Variants in STMP1 observed in about 807,000 individuals in gnomAD.
STMP1 encodes short transmembrane mitochondrial protein 1, also known as mitolamban.
STMP1 carries 7 observed loss-of-function variants against 7.0 expected under a neutral mutation model. The observed-to-expected ratio is 1.01, with a 90% CI of 0.57 to 1.89. The LOEUF is 1.89. Ranked by LOEUF, STMP1 falls within the 40% of genes most tolerant of loss-of-function variation. STMP1 has a pLI of 0.00. For synonymous variants in STMP1, 19 were observed against 18.4 expected (o/e 1.03, Z -0.08); for missense variants, 45 against 53.0 (o/e 0.85, Z 0.47).
Position 135,674,237 on chromosome 7 carries a change from C to G in STMP1, c.*72C>G, listed in dbSNP as rs900864572. ...TGAGGGCCTCGTTTACTATCTGAACCAAAAGCTTTTGTTTTCGTCTCCAGC... is the reference window on the plus strand; with the variant it reads ...TGAGGGCCTCGTTTACTATCTGAACGAAAAGCTTTTGTTTTCGTCTCCAGC... On this transcript the variant is annotated 3_prime_UTR_variant, in exon 3 of 3. Transcript: ENST00000507606. The G allele has an allele frequency of 5.1e-6, 6 of 1,185,226 alleles. 1 individual carries two copies. In the South Asian group the frequency reaches 8.8e-5, roughly 17 times the overall value. The allele number at this position is 1,185,226 out of a possible 1,614,324, so 73.4% of individuals were successfully genotyped here. A position where few individuals can be genotyped will look rare whatever the true frequency, so the allele number is the denominator to read the frequency against.
intron 1 of STMP1, among the ~76,000 whole-genome samples, chr7:135,667,760 C>T (rs1217509715): frequency 6.6e-6 from 1 of 151,214 alleles, no homozygotes; most frequent in African/African-American, 2.4e-5. Flanking sequence ...TGCCCAGCCC[C>T]ACTCATGTGA....
At chr7:135,669,744 A>C (rs2129493295) in intron 1 of STMP1, among the ~76,000 whole-genome samples, 1 of 152,376 alleles carries the variant, frequency 6.6e-6, no homozygotes, top group East Asian at 1.9e-4. Flanking sequence ...GAGGAGGTCT[A>C]AGGCAGGATC....
intron 2 of STMP1, chr7:135,673,363 A>G (rs1189995074): frequency 6.6e-6 from 1 of 151,474 alleles, no homozygotes; most frequent in African/African-American, 2.5e-5. Context: ...GGGATTCTGG[A>G]CAGGAGTTTG....
chr7:135,671,475 G>T (rs1382443515), intron 1 of STMP1, among the ~76,000 whole-genome samples: 1 of 152,132 alleles, frequency 6.6e-6, no homozygotes, highest in Admixed American at 6.5e-5. Context: ...ATTGATGCTA[G>T]TTTGAATTTA....
intron 1 of STMP1, among the ~76,000 whole-genome samples, chr7:135,669,335 T>C (rs1795334722): frequency 6.6e-6 from 1 of 152,262 alleles, no homozygotes; most frequent in Non-Finnish European, 1.5e-5. Flanking sequence ...AGAATCACTT[T>C]TGTGTCATTC....
chr7:135,676,034 G>GTGC lies in STMP1; in HGVS notation c.*1873_*1875dup, dbSNP rs1352901383. Reference sequence around the variant, plus strand: ...CTGCCTCCCGGTCCAAGTGATTCTCGTGCTGCAGCTTCTCAAGTAGCTGGC... The same window carrying GTGC: ...CTGCCTCCCGGTCCAAGTGATTCTCGTGCTGCTGCAGCTTCTCAAGTAGCTGGC... On this transcript the variant is annotated 3_prime_UTR_variant, in exon 3 of 3. Coordinates refer to ENST00000507606, the MANE Select transcript of STMP1 (RefSeq NM_001130929.2). 10 of 148,250 alleles carry GTGC rather than the reference G, an allele frequency of 6.7e-5. No homozygotes were observed. Among genetic ancestry groups the GTGC allele is most frequent in the Admixed American group, 5.6e-4 (8 of 14,394 alleles). 9.2% of individuals were successfully genotyped at this position (148,250 alleles called of 1,614,324 possible).
chr7:135,673,201 A>G (rs1795374173), intron 2 of STMP1: 1 of 213,342 alleles, frequency 4.7e-6, no homozygotes, highest in African/African-American at 2.3e-5. Context: ...TTGGAGATGC[A>G]TCTGGGTAGG....
At chr7:135,673,175 G>A in intron 2 of STMP1, 2 of 231,488 alleles carry the variant, frequency 8.6e-6, no homozygotes, top group Non-Finnish European at 1.7e-5. Flanking sequence ...TCCAGTAGTA[G>A]AGATGACTTA....
chr7:135,674,426 T>G lies in STMP1; in HGVS notation c.*261T>G, dbSNP rs967471927. 5.1e-5 allele frequency: 19 copies of G among 375,490 alleles called. No homozygotes were observed. The highest frequency in any genetic ancestry group is 3.7e-4 in the African/African-American group (18 of 48,176). 23.3% of individuals were successfully genotyped at this position (375,490 alleles called of 1,614,324 possible). A position where few individuals can be genotyped will look rare whatever the true frequency, so the allele number is the denominator to read the frequency against. Reference sequence around the variant, plus strand: ...CTAAGACTGGAATTATGGTGCTAGATTAGTAAACATGACTTTTAATGAGTA... The same window carrying G: ...CTAAGACTGGAATTATGGTGCTAGAGTAGTAAACATGACTTTTAATGAGTA... On this transcript the variant is annotated 3_prime_UTR_variant, in exon 3 of 3. Coordinates refer to ENST00000507606, the MANE Select transcript of STMP1 (RefSeq NM_001130929.2).
intron 2 of STMP1, 53 bp downstream of exon 2, chr7:135,672,859 ACTT>A (rs1387988184): frequency 6.9e-7 from 1 of 1,456,982 alleles, no homozygotes; most frequent in African/African-American, 1.4e-5. Context: ...TTTTAGAGTG[ACTT>A]TTCTTTGTTT....
rs1795394073 is a variant in STMP1, at chr7:135,674,818, G to A, written c.*653G>A. 1 of 152,128 alleles carries A rather than the reference G, an allele frequency of 6.6e-6. No homozygotes were observed. Among genetic ancestry groups the A allele is most frequent in the African/African-American group, 2.4e-5 (1 of 41,430 alleles). 9.4% of individuals were successfully genotyped at this position (152,128 alleles called of 1,614,324 possible). The stretch of plus-strand genomic sequence containing the variant: ...CCCAGTAGAGTTCATAGTCTATTTA[G>A]TGTGCATGTTTTTCCTTAATGATGT... On this transcript the variant is annotated 3_prime_UTR_variant, in exon 3 of 3. Coordinates refer to ENST00000507606, the MANE Select transcript of STMP1 (RefSeq NM_001130929.2).
intron 1 of STMP1, among the ~76,000 whole-genome samples, chr7:135,672,274 G>A (rs934439788): frequency 6.6e-6 from 1 of 152,132 alleles, no homozygotes; most frequent in Non-Finnish European, 1.5e-5. Context: ...CTCTGTGCCC[G>A]GCCTTGACTG....
rs746339416 is a variant in STMP1 at position 135,674,204 on chromosome 7, A to G, written c.*39A>G. On this transcript the variant is annotated 3_prime_UTR_variant, in exon 3 of 3. Coordinates refer to ENST00000507606, the MANE Select transcript of STMP1 (RefSeq NM_001130929.2). The stretch of plus-strand genomic sequence containing the variant: ...ACTGCCTTCAGGATATACTGATTCT[A>G]CTGCTCTTGAGGGCCTCGTTTACTA... 1.3e-5 allele frequency: 19 copies of G among 1,444,654 alleles called. No homozygotes were observed. Among genetic ancestry groups the G allele is most frequent in the South Asian group, 5.2e-5 (4 of 76,942 alleles). The allele number at this position is 1,444,654 out of a possible 1,614,324, so 89.5% of individuals were successfully genotyped here. A position where few individuals can be genotyped will look rare whatever the true frequency, so the allele number is the denominator to read the frequency against.
chr7:135,673,737 G>A (rs1027585290), intron 2 of STMP1, among the ~76,000 whole-genome samples: 6 of 152,162 alleles, frequency 3.9e-5, no homozygotes, highest in Admixed American at 1.3e-4. Context: ...TCAGGAGTTC[G>A]AGACCAGCCT....
intron 1 of STMP1, 65 bp from the exon 2 acceptor site, chr7:135,672,688 A>T: frequency 8.6e-7 from 1 of 1,166,438 alleles, no homozygotes; most frequent in Non-Finnish European, 1.3e-6. Context: ...TATGTATTTT[A>T]GTTTGGAATC....
In STMP1 at chr7:135,667,874, A is replaced by G. The variant is rs529770113; in HGVS notation, c.16-4879A>G. 7.2e-5 allele frequency among the ~76,000 whole-genome samples: 11 copies of G among 152,242 alleles called. No individual in the cohort carries two copies. In the South Asian group the frequency reaches 2.1e-3, roughly 29 times the overall value. On this transcript the variant is annotated intron_variant, in intron 1 of 2. Coordinates refer to ENST00000507606, the MANE Select transcript of STMP1 (RefSeq NM_001130929.2). The stretch of plus-strand genomic sequence containing the variant: ...ACTATTTGCCCAGCCCCACTCATGA[A>G]GGTTTACGCCTATGATTTCTTTGAA...
chr7:135,666,283 T>A (rs1436894127), intron 1 of STMP1, among the ~76,000 whole-genome samples: 2 of 151,794 alleles, frequency 1.3e-5, no homozygotes, highest in African/African-American at 4.8e-5. Context: ...AAGGCCCCAC[T>A]TTGATCTTTT....
intron 1 of STMP1, among the ~76,000 whole-genome samples, chr7:135,670,323 A>G (rs973651439): frequency 6.6e-6 from 1 of 152,138 alleles, no homozygotes; most frequent in South Asian, 2.1e-4. Context: ...GGGCATTGTG[A>G]TGGCATTCAG....
chr7:135,674,013 T>A (rs1352293129), intron 2 of STMP1, 78 bp from the exon 3 acceptor site: 1 of 897,362 alleles, frequency 1.1e-6, no homozygotes, highest in Admixed American at 2.7e-5. Flanking sequence ...GTAAAACCAT[T>A]TATCTTTGGA....
Sources: gnomAD v4.1 joint callset for allele counts (sites outside exome capture counted in the v4.1 genomes callset) on GRCh38, gnomAD v4.1.1 for gene constraint, MANE v1.5 for transcripts, NCBI Gene and HGNC (gene_info 2026-07-23, HGNC 2026-07-21) for gene names.